The following CNTFR variants were observed in gnomAD, a reference collection of about 807,000 sequenced individuals.
CNTFR encodes ciliary neurotrophic factor receptor, also known as ciliary neurotrophic factor receptor subunit alpha.
CNTFR carries 12 observed loss-of-function variants against 40.4 expected under a neutral mutation model. That is an observed-to-expected ratio of 0.30 (90% CI 0.19 to 0.48). CNTFR has a LOEUF of 0.48. Ranked by LOEUF, CNTFR falls within the 20% of genes least tolerant of loss-of-function variation. The probability of loss-of-function intolerance (pLI) is 0.99; values close to 1 mark genes in which losing one functional copy is unlikely to be tolerated. For missense variants in CNTFR, 414 were observed against 506.8 expected, an observed-to-expected ratio of 0.82 and a Z score of 1.76; for synonymous variants, 202 against 209.6, an observed-to-expected ratio of 0.96 and a Z score of 0.31.
At chr9:34,577,841 A>G (rs7047869) in intron 2 of CNTFR, among the ~76,000 whole-genome samples, 122,815 of 145,650 alleles carry the variant, frequency 0.84, 50,648 homozygotes, top group Non-Finnish European at 0.91. Flanking sequence ...GAGAAGAGAA[A>G]AGAAGAGAGA....
intron 4 of CNTFR, among the ~76,000 whole-genome samples, chr9:34,560,679 T>G (rs1486341254): frequency 6.6e-6 from 1 of 152,272 alleles, no homozygotes; most frequent in Non-Finnish European, 1.5e-5. Flanking sequence ...AATGCTCTTA[T>G]GCACACAGGT....
At chr9:34,558,681 G>A (rs960318559) in intron 4 of CNTFR, among the ~76,000 whole-genome samples, 5 of 152,146 alleles carry the variant, frequency 3.3e-5, no homozygotes, top group African/African-American at 1.2e-4. Flanking sequence ...CCTGTTGAAA[G>A]GAAGCTGCTG....
chr9:34,565,298 A>C (rs1418720361), intron 3 of CNTFR, among the ~76,000 whole-genome samples: 6 of 151,130 alleles, frequency 4.0e-5, no homozygotes, highest in Admixed American at 4.0e-4. Context: ...CCACTCCTGG[A>C]CTCCTTTTTC....
At chr9:34,579,168 G>A (rs1052525606) in intron 2 of CNTFR, among the ~76,000 whole-genome samples, 1 of 152,176 alleles carries the variant, frequency 6.6e-6, no homozygotes, top group African/African-American at 2.4e-5. Flanking sequence ...TCGCCCCTGT[G>A]GGGGAGGGGT....
At chr9:34,580,283 C>T (rs1391208724) in intron 2 of CNTFR, 3 of 152,258 alleles carry the variant, frequency 2.0e-5, no homozygotes, top group African/African-American at 7.2e-5. Context: ...CAGATACACA[C>T]CCCATGTCCT....
At chr9:34,561,794 T>C (rs965636937) in intron 4 of CNTFR, among the ~76,000 whole-genome samples, 3 of 152,246 alleles carry the variant, frequency 2.0e-5, no homozygotes, top group South Asian at 2.1e-4. Context: ...TTGTTACTAA[T>C]ATAAAGTGAC....
intron 4 of CNTFR, 73 bp downstream of exon 4, chr9:34,564,526 G>T (rs1231516147): frequency 9.6e-6 from 13 of 1,352,484 alleles, no homozygotes; most frequent in East Asian, 2.5e-5. Flanking sequence ...ACAGGAAGGG[G>T]ACTTGATCTG....
At chr9:34,569,692 T>C (rs1826491945) in intron 2 of CNTFR, 1 of 152,246 alleles carries the variant, frequency 6.6e-6, no homozygotes, top group African/African-American at 2.4e-5. Flanking sequence ...AGGTCAGATG[T>C]GGCTTTTCCG....
chr9:34,558,410 G>A (rs1282746274), intron 4 of CNTFR, among the ~76,000 whole-genome samples: 3 of 152,170 alleles, frequency 2.0e-5, no homozygotes, highest in Admixed American at 2.0e-4. Flanking sequence ...GGAGTATCGG[G>A]TGCACTTCCT....
intron 1 of CNTFR, among the ~76,000 whole-genome samples, chr9:34,585,146 G>A (rs1483282519): frequency 6.6e-6 from 1 of 152,228 alleles, no homozygotes; most frequent in African/African-American, 2.4e-5. Flanking sequence ...ATGTATTACT[G>A]TTCACACAAG....
chr9:34,552,471 A>T lies in CNTFR; in HGVS notation c.950-142T>A. On this transcript the variant is annotated intron_variant, in intron 8 of 9. Coordinates refer to ENST00000378980, the MANE Select transcript of CNTFR (RefSeq NM_147164.3). This position sits in a 1 kb window ranked among gnomAD's most constrained non-coding sequence, Gnocchi z 5.1. ...AGGCAGATCCTGTTTCCCAAGGCTC[A>T]CAGATAACCCCTCCACCCAATGACC... 1 of 1,085,852 alleles carries T rather than the reference A, an allele frequency of 9.2e-7. No individual in the cohort carries two copies. Among genetic ancestry groups the T allele is most frequent in the Non-Finnish European group, 1.3e-6 (1 of 774,094 alleles). 67.3% of individuals were successfully genotyped at this position (1,085,852 alleles called of 1,614,324 possible).
At chr9:34,576,774 G>A (rs940785961) in intron 2 of CNTFR, among the ~76,000 whole-genome samples, 12 of 152,188 alleles carry the variant, frequency 7.9e-5, no homozygotes, top group African/African-American at 2.9e-4. Flanking sequence ...CGACTTCCCA[G>A]GCCCTTGCTG....
chr9:34,574,739 G>T (rs908350574), intron 2 of CNTFR, among the ~76,000 whole-genome samples: 1 of 152,216 alleles, frequency 6.6e-6, no homozygotes, highest in African/African-American at 2.4e-5. Flanking sequence ...ACAAGATTCC[G>T]ATGGATTTTG....
chr9:34,566,029 T>C (rs1826271044), intron 3 of CNTFR, among the ~76,000 whole-genome samples: 1 of 152,052 alleles, frequency 6.6e-6, no homozygotes, highest in Non-Finnish European at 1.5e-5. Flanking sequence ...TGGGGGATTT[T>C]TAGAGGCAAT....
At position 34,557,512 on chromosome 9, in the gene CNTFR, A is replaced by G; in HGVS notation, c.604+14T>C. 6.2e-7 allele frequency: 1 copy of G among 1,608,618 alleles called. No homozygotes were observed. The highest frequency in any genetic ancestry group is 1.1e-5 in the South Asian group (1 of 90,920). ...CTGGAGTAGGCAGCAGGTCCCCCCA[A>G]CCGCCACACGTACCAATGGTGAACT... On this transcript the variant is annotated intron_variant, in intron 6 of 9. Coordinates refer to ENST00000378980, the MANE Select transcript of CNTFR (RefSeq NM_147164.3). The surrounding 1 kb of genome is among the most constrained non-coding windows in gnomAD (Gnocchi z 4.2).
At chr9:34,578,179 G>A (rs1409786099) in intron 2 of CNTFR, among the ~76,000 whole-genome samples, 1 of 152,096 alleles carries the variant, frequency 6.6e-6, no homozygotes, top group Non-Finnish European at 1.5e-5. Context: ...GCGAGGGGCC[G>A]GGCCGCGCGG....
chr9:34,578,873 TGCCA>T (rs1827133025), intron 2 of CNTFR, among the ~76,000 whole-genome samples: 1 of 152,224 alleles, frequency 6.6e-6, no homozygotes, highest in African/African-American at 2.4e-5. Context: ...GACAGTGCAA[TGCCA>T]CCCGTCCTCC....
In CNTFR at chr9:34,589,481, T is replaced by C. The variant is rs1827686789; in HGVS notation, c.-112+74A>G. On this transcript the variant is annotated intron_variant, in intron 1 of 9. Transcript: ENST00000378980. This position sits in a 1 kb window ranked among gnomAD's most constrained non-coding sequence, Gnocchi z 4.4. ...TGTCCCCTCACTCTTCCCGCACGCA[T>C]GAGGGCCGCCGGTCTGCTGGTCAGC... 3 of 151,252 alleles carry C rather than the reference T, an allele frequency of 2.0e-5. No individual in the cohort carries two copies. The highest frequency in any genetic ancestry group is 2.9e-5 in the Non-Finnish European group (2 of 67,848). The allele number at this position is 151,252 out of a possible 1,614,324, so 9.4% of individuals were successfully genotyped here.
At chr9:34,567,980 C>G (rs1826385415) in intron 3 of CNTFR, 1 of 152,188 alleles carries the variant, frequency 6.6e-6, no homozygotes, top group South Asian at 2.1e-4. Context: ...AAGAAGAGGC[C>G]ATATAAGCCT....
Sources: allele counts gnomAD v4.1 joint callset (sites outside exome capture counted in the v4.1 genomes callset), GRCh38; gene constraint gnomAD v4.1.1; non-coding constraint Gnocchi (gnomAD v3.1); transcripts MANE v1.5; gene names NCBI Gene and HGNC (gene_info 2026-07-23, HGNC 2026-07-21).